The following CMC1 variants were observed in gnomAD, a reference collection of about 807,000 sequenced individuals.
CMC1 encodes the protein COX assembly mitochondrial protein homolog.
CMC1 carries 14 observed loss-of-function variants against 14.1 expected under a neutral mutation model. The ratio of observed to expected loss-of-function variants is 0.99; its 90% CI spans 0.66 to 1.55. The LOEUF is 1.55. Among genes scored for constraint, CMC1 ranks in the 40% most tolerant of loss-of-function variants. The probability of loss-of-function intolerance (pLI) is 0.00; values close to 1 mark genes in which losing one functional copy is unlikely to be tolerated. For missense variants in CMC1, 127 were observed against 123.8 expected (o/e 1.03, Z -0.12); for synonymous variants, 50 against 38.4 (o/e 1.30, Z -1.12).
Position 28,323,419 on chromosome 3 carries a change from A to T in CMC1, c.*3790A>T, listed in dbSNP as rs1282214454. The T allele has an allele frequency of 6.7e-6, 1 of 148,398 alleles. No homozygotes were observed. Among genetic ancestry groups the T allele is most frequent in the Admixed American group, 6.8e-5 (1 of 14,718 alleles). 9.2% of individuals were successfully genotyped at this position (148,398 alleles called of 1,614,324 possible). On this transcript the variant is annotated 3_prime_UTR_variant, in exon 4 of 4. Coordinates refer to ENST00000466830, the MANE Select transcript of CMC1 (RefSeq NM_182523.2). ...TGCTGGGACAAAGTTGGCTTCAGTG[A>T]TCAGGTTGTTTCAAGTCTTAGAATT...
intron 2 of CMC1, among the ~76,000 whole-genome samples, chr3:28,275,043 G>A (rs573396106): frequency 6.6e-5 from 10 of 152,174 alleles, no homozygotes; most frequent in East Asian, 1.9e-4. Flanking sequence ...AACATGCTCC[G>A]TTAGCCCAGT....
intron 1 of CMC1, among the ~76,000 whole-genome samples, chr3:28,245,702 G>A (rs906389168): frequency 8.5e-5 from 13 of 152,144 alleles, no homozygotes; most frequent in Admixed American, 7.2e-4. Flanking sequence ...GGTGTTTAAG[G>A]TATATGTGTC....
chr3:28,297,048 C>T (rs772927288), intron 2 of CMC1: 2 of 152,022 alleles, frequency 1.3e-5, no homozygotes, highest in African/African-American at 2.4e-5. Flanking sequence ...TCCAGAATTG[C>T]TGTTTTATTT....
At chr3:28,304,450 C>T (rs903090943) in intron 2 of CMC1, among the ~76,000 whole-genome samples, 18 of 152,000 alleles carry the variant, frequency 1.2e-4, no homozygotes, top group African/African-American at 4.3e-4. Flanking sequence ...ATGCATCACA[C>T]ATAAGAAGTA....
chr3:28,292,259 A>G (rs1181319580), intron 2 of CMC1, among the ~76,000 whole-genome samples: 2 of 152,034 alleles, frequency 1.3e-5, no homozygotes, highest in African/African-American at 4.8e-5. Context: ...TTGTCTTTTT[A>G]AAACTCTGTT....
chr3:28,297,127 A>G (rs1217828239), intron 2 of CMC1: 1 of 152,098 alleles, frequency 6.6e-6, no homozygotes, highest in Non-Finnish European at 1.5e-5. Flanking sequence ...CCTGAGGGCA[A>G]CAGACAAACT....
intron 1 of CMC1, among the ~76,000 whole-genome samples, chr3:28,247,923 C>G (rs1038331978): frequency 1.3e-5 from 2 of 152,080 alleles, no homozygotes; most frequent in Non-Finnish European, 2.9e-5. Context: ...TTCCCTATCC[C>G]CAGGTCTACT....
Position 28,319,520 on chromosome 3 carries a change from C to A in CMC1, c.212C>A (p.Pro71Gln). 1 of 1,599,596 alleles carries A rather than the reference C, an allele frequency of 6.3e-7. No individual in the cohort carries two copies. The highest frequency in any genetic ancestry group is 8.5e-7 in the Non-Finnish European group (1 of 1,171,066). The stretch of plus-strand genomic sequence containing the variant: ...TTTCCTTCTCATAGCTATAATGATC[C>A]AGCCTTTTATGAAGAATGCAAAATG... ...KECLTAYYND[P>Q]AFYEECKMEY... is the part of the protein sequence containing the mutation. Residue 71 changes from proline (P) to glutamine (Q), a missense_variant, in exon 4 of 4, where the codon CCA (proline) becomes CAA (glutamine). Physicochemically the swap from Pro to Gln is moderately conservative, Grantham distance 76. Transcript: ENST00000466830.
chr3:28,269,813 G>C (rs750355352), intron 2 of CMC1, among the ~76,000 whole-genome samples: 7 of 152,330 alleles, frequency 4.6e-5, no homozygotes, highest in South Asian at 2.1e-4. Context: ...TGATCTGCCT[G>C]CCTTGGCCTC....
intron 2 of CMC1, among the ~76,000 whole-genome samples, chr3:28,288,037 T>G (rs1472185000): frequency 6.6e-6 from 1 of 152,020 alleles, no homozygotes; most frequent in East Asian, 1.9e-4. Flanking sequence ...TAGCTGCATG[T>G]GGCTTGTGGA....
rs536974532 is a variant in CMC1 at position 28,271,152 on chromosome 3, G to A, written c.109+7772G>A. On this transcript the variant is annotated intron_variant, in intron 2 of 3. Transcript: ENST00000466830. ...GTCTCACTCTGTTGCTTAGGCTGTA[G>A]TGCAGTGGCATGATCTCAGCTCACT... Among the ~76,000 whole-genome samples the A allele has an allele frequency of 7.2e-5, 11 of 152,042 alleles. 1 individual carries two copies. The highest frequency in any genetic ancestry group is 2.7e-4 in the African/African-American group (11 of 41,480).
intron 2 of CMC1, among the ~76,000 whole-genome samples, chr3:28,266,334 G>A (rs931659362): frequency 6.6e-6 from 1 of 152,044 alleles, no homozygotes; most frequent in Non-Finnish European, 1.5e-5. Context: ...ATTTGTATAA[G>A]TTCCAGTAAC....
At position 28,316,338 on chromosome 3, in the gene CMC1, A is replaced by G; in HGVS notation, c.115A>G (p.Thr39Ala). Residue 39 changes from threonine (T) to alanine (A), a missense_variant, in exon 3 of 4, where the codon ACC becomes GCC. Thr to Ala is a moderately conservative substitution (Grantham distance 58). Coordinates refer to ENST00000466830, the MANE Select transcript of CMC1 (RefSeq NM_182523.2). ...TCCTTCCAAATTTATTTCAGATTTT[A>G]CCAAATGTTGCAAGAACTCTGGAGT... Reference protein sequence around the residue: ...ERCSEQVQDFTKCCKNSGVLM... With the variant: ...ERCSEQVQDFAKCCKNSGVLM... The G allele has an allele frequency of 6.4e-7, 1 of 1,551,890 alleles. No homozygotes were observed. The highest frequency in any genetic ancestry group is 8.7e-7 in the Non-Finnish European group (1 of 1,146,936).
chr3:28,277,885 G>A (rs34541614), intron 2 of CMC1, among the ~76,000 whole-genome samples: 31,859 of 152,090 alleles, frequency 0.21, 3,525 homozygotes, highest in Middle Eastern at 0.29. Context: ...AGGGTCTCCT[G>A]GGTACTGAGG....
intron 2 of CMC1, among the ~76,000 whole-genome samples, chr3:28,296,198 A>G (rs936731558): frequency 2.0e-5 from 3 of 152,098 alleles, no homozygotes; most frequent in South Asian, 2.1e-4. Context: ...GATACTTCCT[A>G]TGAAAAAATG....
chr3:28,261,086 A>C (rs1699713361), intron 1 of CMC1, among the ~76,000 whole-genome samples: 1 of 152,226 alleles, frequency 6.6e-6, no homozygotes, highest in Non-Finnish European at 1.5e-5. Flanking sequence ...TTAGTTGATA[A>C]TGTTGTTCAA....
chr3:28,273,068 A>C (rs1480555483), intron 2 of CMC1, among the ~76,000 whole-genome samples: 1 of 152,158 alleles, frequency 6.6e-6, no homozygotes, highest in East Asian at 1.9e-4. Context: ...CCACCTCTTC[A>C]GTTGTTTGGA....
intron 2 of CMC1, among the ~76,000 whole-genome samples, chr3:28,294,149 A>G (rs1176241585): frequency 6.6e-6 from 1 of 152,182 alleles, no homozygotes; most frequent in East Asian, 1.9e-4. Flanking sequence ...CTGTTCTACT[A>G]TAACTTCATG....
intron 1 of CMC1, among the ~76,000 whole-genome samples, chr3:28,254,246 A>G (rs1333333351): frequency 2.0e-5 from 3 of 152,244 alleles, no homozygotes; most frequent in East Asian, 1.9e-4. Flanking sequence ...TGAGATTAAG[A>G]GAATCACTTT....
Sources: gnomAD v4.1 joint callset for allele counts (sites outside exome capture counted in the v4.1 genomes callset) on GRCh38, gnomAD v4.1.1 for gene constraint, MANE v1.5 for transcripts, NCBI Gene and HGNC (gene_info 2026-07-23, HGNC 2026-07-21) for gene names.